Variants in HNRNPM observed in about 807,000 individuals in gnomAD.
HNRNPM encodes the protein CEA receptor.
A neutral mutation model predicts 73.1 loss-of-function variants in HNRNPM; 11 were observed. The observed-to-expected ratio is 0.15, with a 90% CI of 0.09 to 0.25. The LOEUF (loss-of-function observed/expected upper bound fraction) is 0.25. Among genes scored for constraint, HNRNPM ranks in the 10% least tolerant of loss-of-function variants. The pLI is 1.00. For missense variants in HNRNPM, 789 were observed against 1,067.9 expected, an observed-to-expected ratio of 0.74 and a Z score of 3.64; for synonymous variants, 407 against 355.2, an observed-to-expected ratio of 1.15 and a Z score of -1.64.
In HNRNPM at chr19:8,462,143, A is replaced by G. The variant is rs912607280; in HGVS notation, c.284-386A>G. 7 of 205,308 alleles carry G rather than the reference A, an allele frequency of 3.4e-5. No homozygotes were observed. In the South Asian group the frequency reaches 6.4e-4, roughly 19 times the overall value. The allele number at this position is 205,308 out of a possible 1,614,324, so 12.7% of individuals were successfully genotyped here. On this transcript the variant is annotated intron_variant, in intron 2 of 15. Coordinates refer to ENST00000325495, the MANE Select transcript of HNRNPM (RefSeq NM_005968.5). The surrounding 1 kb of genome is among the most constrained non-coding windows in gnomAD (Gnocchi z 4.5). ...CCCGATGGCATCGCAATTTGTATGC[A>G]TTTCACCTGCTTGCCACCAATGAGA...
chr19:8,466,653 C>T (rs1221086031), intron 7 of HNRNPM, among the ~76,000 whole-genome samples: 3 of 151,690 alleles, frequency 2.0e-5, no homozygotes, highest in Non-Finnish European at 2.9e-5. Context: ...GGTGAAACCC[C>T]GGCTCTACTA....
chr19:8,482,541 C>G (rs1273599451), intron 12 of HNRNPM: 1 of 152,242 alleles, frequency 6.6e-6, no homozygotes, highest in East Asian at 1.9e-4. Flanking sequence ...TATCTGTTGC[C>G]TAGTCACAGC....
At chr19:8,488,475 G>T in intron 15 of HNRNPM, 1 of 444,776 alleles carries the variant, frequency 2.2e-6, no homozygotes. Context: ...GTAAAGGCGT[G>T]CATTGAATCC....
At chr19:8,451,271 G>T (rs779540804) in intron 1 of HNRNPM, among the ~76,000 whole-genome samples, 3 of 151,998 alleles carry the variant, frequency 2.0e-5, no homozygotes, top group Non-Finnish European at 4.4e-5. Context: ...TTGAACTCCT[G>T]ACCTCAGGTG....
chr19:8,471,356 G>A lies in HNRNPM; in HGVS notation c.926G>A (p.Gly309Glu). Residue 309 changes from glycine to glutamate, a missense_variant, in exon 10 of 16, where the codon GGA becomes GAA. By Grantham distance (98) the Gly-to-Glu change is moderately conservative. This residue lies in a region of HNRNPM where 604 missense variants were observed against 744.0 expected (regional missense o/e 0.81). Coordinates refer to ENST00000325495, the MANE Select transcript of HNRNPM (RefSeq NM_005968.5). ...HGLGGIGMGL[G>E]PGGQPIDANH... is the part of the protein sequence containing the mutation. ...CTTGGTGGTATTGGCATGGGGTTAGGACCAGGAGGGCAACCCATTGATGCC... is the reference window on the plus strand; with the variant it reads ...CTTGGTGGTATTGGCATGGGGTTAGAACCAGGAGGGCAACCCATTGATGCC... 6.2e-7 allele frequency: 1 copy of A among 1,606,382 alleles called. No individual in the cohort carries two copies. Among genetic ancestry groups the A allele is most frequent in the Admixed American group, 1.7e-5 (1 of 58,930 alleles).
chr19:8,475,914 T>C, intron 12 of HNRNPM, among the ~76,000 whole-genome samples: 1 of 149,018 alleles, frequency 6.7e-6, no homozygotes, highest in Non-Finnish European at 1.5e-5. Flanking sequence ...TCTTTTTTTT[T>C]TTTTTTTTTT....
chr19:8,455,581 GTAC>G lies in HNRNPM; in HGVS notation c.283+9_283+11del. 6.2e-7 allele frequency: 1 copy of G among 1,608,374 alleles called. No individual in the cohort carries two copies. The highest frequency in any genetic ancestry group is 8.5e-7 in the Non-Finnish European group (1 of 1,176,020). On this transcript the variant is annotated splice_region_variant and intron_variant, in intron 2 of 15. Transcript: ENST00000325495. The stretch of plus-strand genomic sequence containing the variant: ...GACCTGGTTAAAGAAAAAGGTAATG[GTAC>G]TGGTGATTGAGTAGGGTGAGAAGGT...
At chr19:8,477,481 G>A (rs1307968869) in intron 12 of HNRNPM, among the ~76,000 whole-genome samples, 1 of 151,948 alleles carries the variant, frequency 6.6e-6, no homozygotes, top group Non-Finnish European at 1.5e-5. Flanking sequence ...AACATAGTGA[G>A]ACCTCCTCTC....
chr19:8,449,881 A>T (rs1373237497), intron 1 of HNRNPM, among the ~76,000 whole-genome samples: 1 of 152,200 alleles, frequency 6.6e-6, no homozygotes, highest in African/African-American at 2.4e-5. Flanking sequence ...TAGCCTCCAT[A>T]GGACCGAGGC....
At chr19:8,465,838 C>G (rs1377936658) in intron 6 of HNRNPM, among the ~76,000 whole-genome samples, 1 of 152,112 alleles carries the variant, frequency 6.6e-6, no homozygotes, top group Non-Finnish European at 1.5e-5. Flanking sequence ...GCACTGACAC[C>G]TTCCTCTTGT....
chr19:8,471,939 G>A lies in HNRNPM; in HGVS notation c.997+512G>A, dbSNP rs982452558. On this transcript the variant is annotated intron_variant, in intron 10 of 15. Coordinates refer to ENST00000325495, the MANE Select transcript of HNRNPM (RefSeq NM_005968.5). Reference sequence around the variant, plus strand: ...TGTAATCCCAGCACTTTGGGAGGCCGAGGTGGGCGGATCACAAGGTCAGGA... The same window carrying A: ...TGTAATCCCAGCACTTTGGGAGGCCAAGGTGGGCGGATCACAAGGTCAGGA... Among the ~76,000 whole-genome samples the A allele has an allele frequency of 5.3e-5, 8 of 152,130 alleles. No homozygotes were observed. The South Asian group carries it at 6.2e-4, about 12-fold the overall frequency.
chr19:8,472,032 G>A (rs1051747819), intron 10 of HNRNPM, among the ~76,000 whole-genome samples: 7 of 152,060 alleles, frequency 4.6e-5, no homozygotes, highest in East Asian at 1.9e-4. Context: ...TTAGCCGGGC[G>A]TGGTGGCGCA....
At chr19:8,448,694 A>T (rs539889193) in intron 1 of HNRNPM, among the ~76,000 whole-genome samples, 2 of 152,082 alleles carry the variant, frequency 1.3e-5, no homozygotes, top group East Asian at 3.9e-4. Flanking sequence ...TCTGTTAGCC[A>T]GGATGGTCTC....
rs1269485122 is a variant in HNRNPM, at chr19:8,465,449, C to A, written c.564C>A (p.Asn188Lys). 1 of 1,613,480 alleles carries A rather than the reference C, an allele frequency of 6.2e-7. No individual in the cohort carries two copies. The highest frequency in any genetic ancestry group is 2.2e-5 in the East Asian group (1 of 44,866). ...TIPPSILNNPNIPNEIIHALQ... is the reference protein window; with the variant it reads ...TIPPSILNNPKIPNEIIHALQ... ...CACCCAGTATCCTAAATAATCCCAA[C>A]ATCCCAAATGAGATTATCCATGCAT... is the stretch of plus-strand genomic sequence containing the variant. Residue 188 changes from asparagine to lysine, a missense_variant, in exon 6 of 16, where the codon AAC (asparagine) becomes AAA (lysine). Physicochemically the swap from Asn to Lys is moderately conservative, Grantham distance 94 (BLOSUM62 0). This residue lies in a region of HNRNPM where 604 missense variants were observed against 744.0 expected (regional missense o/e 0.81). Coordinates refer to ENST00000325495, the MANE Select transcript of HNRNPM (RefSeq NM_005968.5).
intron 2 of HNRNPM, among the ~76,000 whole-genome samples, chr19:8,460,247 G>T (rs1193585132): frequency 3.9e-5 from 6 of 152,176 alleles, no homozygotes; most frequent in Admixed American, 6.5e-5. Flanking sequence ...CTTTGCTATT[G>T]TAGAACCAAA....
At chr19:8,448,565 C>A (rs1968381693) in intron 1 of HNRNPM, among the ~76,000 whole-genome samples, 1 of 150,280 alleles carries the variant, frequency 6.7e-6, no homozygotes, top group South Asian at 2.1e-4. Flanking sequence ...CCGTGAACCG[C>A]TTCCCGGGTT....
At chr19:8,488,532 G>A in intron 15 of HNRNPM, 159 bp from the exon 16 acceptor site, 1 of 567,234 alleles carries the variant, frequency 1.8e-6, no homozygotes, top group Non-Finnish European at 3.1e-6. Flanking sequence ...GTTAGCAGAA[G>A]AATGGCAGTG....
At chr19:8,475,215 GC>G (rs1220856168) in intron 12 of HNRNPM, among the ~76,000 whole-genome samples, 4 of 152,334 alleles carry the variant, frequency 2.6e-5, no homozygotes, top group African/African-American at 9.6e-5. Flanking sequence ...TGGCTCCAGA[GC>G]CTGGCACTTC....
chr19:8,445,414 G>A (rs1968075204), intron 1 of HNRNPM: 2 of 280,316 alleles, frequency 7.1e-6, no homozygotes, highest in Admixed American at 5.3e-5. Flanking sequence ...GCGCGGGCCC[G>A]GACCGGAGAG....
Sources: allele counts gnomAD v4.1 joint callset (sites outside exome capture counted in the v4.1 genomes callset), GRCh38; gene constraint gnomAD v4.1.1; regional missense constraint gnomAD v4.1.1; non-coding constraint Gnocchi (gnomAD v3.1); transcripts MANE v1.5; gene names NCBI Gene and HGNC (gene_info 2026-07-23, HGNC 2026-07-21).